PHTF1: variants seen among roughly 807,000 people sequenced by gnomAD.
PHTF1 encodes the protein protein PHTF1.
PHTF1 carries 88 observed loss-of-function variants against 102.4 expected under a neutral mutation model. The ratio of observed to expected loss-of-function variants is 0.86; its 90% CI spans 0.72 to 1.03. The LOEUF (loss-of-function observed/expected upper bound fraction) is 1.03. Among genes scored for constraint, PHTF1 ranks in the 50% least tolerant of loss-of-function variants. The pLI, the probability that PHTF1 is intolerant of heterozygous loss-of-function variation, is 0.00. For synonymous variants in PHTF1, 289 were observed against 305.2 expected, an observed-to-expected ratio of 0.95 and a Z score of 0.55; for missense variants, 814 against 909.5, an observed-to-expected ratio of 0.89 and a Z score of 1.35.
rs1159511368 is a variant in PHTF1 at position 113,724,858 on chromosome 1, C to T, written c.524G>A (p.Arg175Gln). Residue 175 changes from arginine (R) to glutamine (Q), a missense_variant, in exon 7 of 19, where the codon CGA becomes CAA. Transcript: ENST00000369604. Reference protein sequence around the residue: ...LRKTVNGDGSRENGNNSSDKV... With the variant: ...LRKTVNGDGSQENGNNSSDKV... Reference sequence around the variant, plus strand: ...ATCAGAGGAGTTATTTCCATTTTCTCGGCTCCCATCACCATTTACAGTTTT... The same window carrying T: ...ATCAGAGGAGTTATTTCCATTTTCTTGGCTCCCATCACCATTTACAGTTTT... 4.4e-6 allele frequency: 7 copies of T among 1,607,654 alleles called. No homozygotes were observed. The highest frequency in any genetic ancestry group is 2.2e-5 in the East Asian group (1 of 44,638).
chr1:113,699,616 A>T, intron 17 of PHTF1, 88 bp downstream of exon 17: 1 of 715,056 alleles, frequency 1.4e-6, no homozygotes, highest in Non-Finnish European at 2.5e-6. Flanking sequence ...TCCCAACCCA[A>T]GGTATCATCT....
intron 13 of PHTF1, among the ~76,000 whole-genome samples, chr1:113,705,390 G>A (rs995926415): frequency 2.0e-5 from 3 of 152,106 alleles, no homozygotes; most frequent in Non-Finnish European, 1.5e-5. Flanking sequence ...GGAGTGAGCC[G>A]TGATCACACC....
At chr1:113,715,922 CA>C (rs1253498934) in intron 7 of PHTF1, among the ~76,000 whole-genome samples, 1 of 150,822 alleles carries the variant, frequency 6.6e-6, no homozygotes, top group Non-Finnish European at 1.5e-5. Context: ...ACAGAGGAGA[CA>C]AAAGAAAAAG....
In PHTF1 at chr1:113,744,116, T is replaced by C. The variant is rs568649112; in HGVS notation, c.103-5317A>G. 5.9e-5 allele frequency among the ~76,000 whole-genome samples: 9 copies of C among 152,324 alleles called. No homozygotes were observed. The South Asian group carries it at 1.4e-3, about 25-fold the overall frequency. On this transcript the variant is annotated intron_variant, in intron 3 of 18. Coordinates refer to ENST00000369604, the MANE Select transcript of PHTF1 (RefSeq NM_001323043.2). ...ACCTCAGCAGCCCAGGAAAAGATTG[T>C]AGGACAGAATCAGCATAATCACTAG...
chr1:113,740,602 T>C (rs1023145296), intron 3 of PHTF1, among the ~76,000 whole-genome samples: 1 of 152,216 alleles, frequency 6.6e-6, no homozygotes. Context: ...GTTTGTTACC[T>C]GTGCTTCTGA....
intron 7 of PHTF1, among the ~76,000 whole-genome samples, chr1:113,717,039 A>G (rs1652165084): frequency 6.6e-6 from 1 of 152,224 alleles, no homozygotes; most frequent in East Asian, 1.9e-4. Context: ...TATAAATACA[A>G]ACAACAAAAA....
chr1:113,758,949 C>T (rs1659296983), intron 1 of PHTF1, 74 bp downstream of exon 1: 4 of 804,012 alleles, frequency 5.0e-6, no homozygotes, highest in Admixed American at 1.2e-4. Flanking sequence ...TTCGTGGGTG[C>T]GGGGGAGGGG....
At chr1:113,706,851 C>CTTTTTTTTTTTTTT (rs11363653) in intron 11 of PHTF1, 129 bp from the exon 12 acceptor site, 12 of 217,648 alleles carry the variant, frequency 5.5e-5, no homozygotes, top group African/African-American at 8.8e-5. Flanking sequence ...TTCTTTCTTT[C>CTTTTTTTTTTTTTT]TTTTTTTTTT....
In PHTF1 at chr1:113,713,431, T is replaced by C; in HGVS notation, c.631A>G (p.Arg211Gly). 6.6e-7 allele frequency: 1 copy of C among 1,525,256 alleles called. No individual in the cohort carries two copies. Among genetic ancestry groups the C allele is most frequent in the South Asian group, 1.2e-5 (1 of 83,298 alleles). 94.5% of individuals were successfully genotyped at this position (1,525,256 alleles called of 1,614,324 possible). A position where few individuals can be genotyped will look rare whatever the true frequency, so the allele number is the denominator to read the frequency against. Residue 211 changes from arginine to glycine, a missense_variant, in exon 8 of 19, where the codon AGA becomes GGA. Coordinates refer to ENST00000369604, the MANE Select transcript of PHTF1 (RefSeq NM_001323043.2). ...WETIFGNRIK[R>G]VKLISNKGTE... is the part of the protein sequence containing the mutation. The stretch of plus-strand genomic sequence containing the variant: ...CCTTTGTTAGATATTAATTTTACTC[T>C]TTTAATCCTATTTTTTAAAAAAGGA...
intron 13 of PHTF1, 122 bp from the exon 14 acceptor site, chr1:113,704,919 C>A: frequency 1.4e-6 from 1 of 721,610 alleles, no homozygotes; most frequent in African/African-American, 1.8e-5. Context: ...AATCAGTGTT[C>A]AGTAAGATGG....
At chr1:113,734,010 AG>A (rs1655094453) in intron 5 of PHTF1, among the ~76,000 whole-genome samples, 1 of 152,266 alleles carries the variant, frequency 6.6e-6, no homozygotes, top group South Asian at 2.1e-4. Context: ...CTGTAATCCC[AG>A]CACTTTGGGA....
chr1:113,735,207 A>C (rs1220293573), intron 5 of PHTF1, among the ~76,000 whole-genome samples: 1 of 151,710 alleles, frequency 6.6e-6, no homozygotes, highest in Non-Finnish European at 1.5e-5. Context: ...CTCTACTAAA[A>C]ATACAAAAAT....
chr1:113,740,868 T>C (rs1377848357), intron 3 of PHTF1, among the ~76,000 whole-genome samples: 1 of 151,852 alleles, frequency 6.6e-6, no homozygotes, highest in African/African-American at 2.4e-5. Flanking sequence ...CTATCTCTAC[T>C]AAAAACACAA....
intron 3 of PHTF1, among the ~76,000 whole-genome samples, chr1:113,748,597 C>G (rs1010918582): frequency 8.5e-5 from 13 of 152,104 alleles, no homozygotes; most frequent in Admixed American, 7.2e-4. Context: ...TGCAGTGGTG[C>G]AATCACGGCT....
At chr1:113,712,149 G>A in intron 8 of PHTF1, 36 bp from the exon 9 acceptor site, 2 of 1,540,804 alleles carry the variant, frequency 1.3e-6, no homozygotes. Context: ...ACAGGGGACA[G>A]CCCAAAATAT....
In PHTF1 at chr1:113,710,389, A is replaced by C; in HGVS notation, c.1134T>G (p.Thr378=). 6.2e-7 allele frequency: 1 copy of C among 1,614,136 alleles called. No homozygotes were observed. The highest frequency in any genetic ancestry group is 8.5e-7 in the Non-Finnish European group (1 of 1,179,996). ...GCAGGTCGTCCCATAACATGTCCTC[A>C]GTCTCCGAGTCATGGCGGGTGCTTT... ...DSESTRHDSE[T]EDMLWDDLLH... The change falls in exon 11 of 19, where the codon ACT becomes ACG. Residue 378 remains threonine, a synonymous_variant. Transcript: ENST00000369604.
chr1:113,759,101 G>A lies in PHTF1; in HGVS notation c.-109C>T. ...GGGGTCCCACCGTGAGGCCGGGGGC[G>A]AGGCGGCGGGCCAGGCAGGCCGCAT... On this transcript the variant is annotated 5_prime_UTR_variant, in exon 1 of 19. Transcript: ENST00000369604. The A allele has an allele frequency of 2.0e-6, 2 of 989,964 alleles. No homozygotes were observed. The highest frequency in any genetic ancestry group is 2.4e-6 in the Non-Finnish European group (2 of 833,044). 61.3% of individuals were successfully genotyped at this position (989,964 alleles called of 1,614,324 possible).
At chr1:113,714,369 T>C (rs1651625954) in intron 7 of PHTF1, 1 of 152,074 alleles carries the variant, frequency 6.6e-6, no homozygotes, top group Admixed American at 6.6e-5. Context: ...ATGGTATTTC[T>C]GGACGCACTC....
intron 15 of PHTF1, among the ~76,000 whole-genome samples, chr1:113,702,782 A>C (rs1649598072): frequency 6.6e-6 from 1 of 152,234 alleles, no homozygotes. Context: ...TGTAGAAATG[A>C]ATCAAGACAG....
Sources: gnomAD v4.1 joint callset for allele counts (sites outside exome capture counted in the v4.1 genomes callset) on GRCh38, gnomAD v4.1.1 for gene constraint, MANE v1.5 for transcripts, NCBI Gene and HGNC (gene_info 2026-07-23, HGNC 2026-07-21) for gene names.